DZIP1L: variants seen among roughly 807,000 people sequenced by gnomAD.
DZIP1L encodes DAZ interacting zinc finger protein 1 like, also known as cilium assembly protein DZIP1L.
DZIP1L carries 90 observed loss-of-function variants against 88.7 expected under a neutral mutation model. The observed-to-expected ratio is 1.02, with a 90% confidence interval of 0.86 to 1.21. DZIP1L has a LOEUF of 1.21. Among genes scored for constraint, DZIP1L ranks in the 50% most tolerant of loss-of-function variants. The probability of loss-of-function intolerance (pLI) is 0.00; values close to 1 mark genes in which losing one functional copy is unlikely to be tolerated. For missense variants in DZIP1L, 932 were observed against 955.8 expected, an observed-to-expected ratio of 0.98 and a Z score of 0.33; for synonymous variants, 363 against 372.1, an observed-to-expected ratio of 0.98 and a Z score of 0.28.
chr3:138,089,314 T>A (rs1334769646), intron 5 of DZIP1L: 2 of 976,880 alleles, frequency 2.0e-6, no homozygotes, highest in Non-Finnish European at 1.2e-6. Flanking sequence ...TATGCACAAC[T>A]CCCGGGTTCT....
At position 138,094,970 on chromosome 3, in the gene DZIP1L, T is replaced by A; in HGVS notation, c.600A>T (p.Lys200Asn). 1 of 1,614,262 alleles carries A rather than the reference T, an allele frequency of 6.2e-7. No homozygotes were observed. The highest frequency in any genetic ancestry group is 1.3e-5 in the African/African-American group (1 of 75,072). ...AGVAEGGKQKKQEQPVEEVLE... is the reference protein window; with the variant it reads ...AGVAEGGKQKNQEQPVEEVLE... ...ACACCTCTTCCACTGGCTGTTCCTG[T>A]TTCTTCTGTTTTCCTGTGGGGTCCA... The change falls in exon 4 of 16, where the codon AAA (lysine) becomes AAT (asparagine). Residue 200 changes from lysine (K) to asparagine (N), a missense_variant. Coordinates refer to ENST00000327532, the MANE Select transcript of DZIP1L (RefSeq NM_173543.3).
chr3:138,070,827 C>G (rs1943145305), intron 12 of DZIP1L, among the ~76,000 whole-genome samples: 1 of 152,210 alleles, frequency 6.6e-6, no homozygotes, highest in Non-Finnish European at 1.5e-5. Context: ...ACAGCACCTG[C>G]ATGAGCAGAC....
At chr3:138,083,984 C>G in intron 8 of DZIP1L, 129 bp downstream of exon 8, 1 of 1,335,982 alleles carries the variant, frequency 7.5e-7, no homozygotes, top group Non-Finnish European at 1.0e-6. Context: ...TGCCAGAGGA[C>G]TCTTCTCTCT....
chr3:138,062,764 T>C lies in DZIP1L; in HGVS notation c.*52A>G, dbSNP rs1238838177. ...GCAGCCTCTTCTGTTGAAGTGGACC[T>C]GAGCTGGCCCCAGCCAGGCTAACCC... is the stretch of plus-strand genomic sequence containing the variant. On this transcript the variant is annotated 3_prime_UTR_variant, in exon 16 of 16. Transcript: ENST00000327532. 44 of 1,602,936 alleles carry C rather than the reference T, an allele frequency of 2.7e-5. No homozygotes were observed. Among genetic ancestry groups the C allele is most frequent in the Non-Finnish European group, 3.8e-5 (44 of 1,172,624 alleles).
chr3:138,114,464 G>GT (rs2042661429), intron 1 of DZIP1L, among the ~76,000 whole-genome samples: 1 of 152,186 alleles, frequency 6.6e-6, no homozygotes, highest in East Asian at 1.9e-4. Flanking sequence ...CTAGACTGGA[G>GT]GATCAGCCTT....
In DZIP1L at chr3:138,063,067, A is replaced by G; in HGVS notation, c.2143-90T>C. On this transcript the variant is annotated intron_variant, in intron 15 of 15. Transcript: ENST00000327532. This position sits in a 1 kb window ranked among gnomAD's most constrained non-coding sequence, Gnocchi z 4.1. Reference sequence around the variant, plus strand: ...GCACATTGCAGGATGGGAATGCAGAATGGAAATGGGGACAAATGCAGACTG... The same window carrying G: ...GCACATTGCAGGATGGGAATGCAGAGTGGAAATGGGGACAAATGCAGACTG... 3.4e-6 allele frequency: 5 copies of G among 1,455,956 alleles called. No homozygotes were observed. Among genetic ancestry groups the G allele is most frequent in the Non-Finnish European group, 4.7e-6 (5 of 1,065,622 alleles). The allele number at this position is 1,455,956 out of a possible 1,614,324, so 90.2% of individuals were successfully genotyped here.
In DZIP1L at chr3:138,063,274, C is replaced by T. The variant is rs1185644420; in HGVS notation, c.2143-297G>A. ...GAGAAGGTTGCTCTCATTTTCACTTCAACTTTGGGCAGATTTTTAACTCCC... is the reference window on the plus strand; with the variant it reads ...GAGAAGGTTGCTCTCATTTTCACTTTAACTTTGGGCAGATTTTTAACTCCC... On this transcript the variant is annotated intron_variant, in intron 15 of 15. Coordinates refer to ENST00000327532, the MANE Select transcript of DZIP1L (RefSeq NM_173543.3). This position sits in a 1 kb window ranked among gnomAD's most constrained non-coding sequence, Gnocchi z 4.1. Among the ~76,000 whole-genome samples the T allele has an allele frequency of 6.6e-6, 1 of 152,206 alleles. No individual in the cohort carries two copies. The highest frequency in any genetic ancestry group is 1.5e-5 in the Non-Finnish European group (1 of 68,040).
chr3:138,080,615 G>A lies in DZIP1L; in HGVS notation c.1240C>T (p.His414Tyr). The change falls in exon 10 of 16, where the codon CAC becomes TAC. Residue 414 changes from histidine to tyrosine, a missense_variant. His to Tyr is a moderately conservative substitution (Grantham distance 83, BLOSUM62 2). Transcript: ENST00000327532. ...GTGTCCACAGCCTTTGGCACCTTGTGGATCCCTGAAGAGAGGAGGAACAGT... is the reference window on the plus strand; with the variant it reads ...GTGTCCACAGCCTTTGGCACCTTGTAGATCCCTGAAGAGAGGAGGAACAGT... ...SLSLRKVEGI[H>Y]KVPKAVDTEE... The A allele has an allele frequency of 6.2e-7, 1 of 1,613,454 alleles. No homozygotes were observed. Among genetic ancestry groups the A allele is most frequent in the Non-Finnish European group, 8.5e-7 (1 of 1,179,738 alleles).
chr3:138,101,888 C>T (rs2042328099), intron 2 of DZIP1L: 4 of 1,428,920 alleles, frequency 2.8e-6, no homozygotes, highest in Non-Finnish European at 3.9e-6. Flanking sequence ...TTGGCGTTGG[C>T]ATCCTTAATG....
At chr3:138,064,511 A>T in intron 15 of DZIP1L, 117 bp downstream of exon 15, 1 of 1,612,670 alleles carries the variant, frequency 6.2e-7, no homozygotes, top group South Asian at 1.1e-5. Context: ...ACAATGTCCC[A>T]CTAGGGCAAA....
chr3:138,092,267 C>A, intron 5 of DZIP1L, 116 bp downstream of exon 5: 1 of 1,179,700 alleles, frequency 8.5e-7, no homozygotes, highest in Non-Finnish European at 1.1e-6. Flanking sequence ...GATAACTGGC[C>A]TCACAGTGTT....
In DZIP1L at chr3:138,103,643, T is replaced by C. The variant is rs776082101; in HGVS notation, c.329A>G (p.Gln110Arg). 1.9e-6 allele frequency: 3 copies of C among 1,608,078 alleles called. No individual in the cohort carries two copies. In the South Asian group the frequency reaches 3.3e-5, roughly 18 times the overall value. ...CQDCLSASVA[Q>R]LEARLQTSLG... The stretch of plus-strand genomic sequence containing the variant: ...GCTGGTCTGCAGCCGTGCCTCCAGC[T>C]GGGCAACACTGGCACTCAGGCAATC... The change falls in exon 2 of 16, where the codon CAG becomes CGG. Residue 110 changes from glutamine to arginine, a missense_variant. Physicochemically the swap from Gln to Arg is conservative, Grantham distance 43. Transcript: ENST00000327532.
intron 7 of DZIP1L, among the ~76,000 whole-genome samples, chr3:138,085,286 T>C (rs187441036): frequency 0.019 from 2,912 of 152,148 alleles, 101 homozygotes; most frequent in African/African-American, 0.067. Context: ...AGCTTCTGCA[T>C]AGCAAAAGAA....
Position 138,103,861 on chromosome 3 carries a change from G to A in DZIP1L, c.111C>T (p.Arg37=), listed in dbSNP as rs192805860. 8.7e-6 allele frequency: 14 copies of A among 1,614,000 alleles called. No individual in the cohort carries two copies. The highest frequency in any genetic ancestry group is 1.2e-5 in the Non-Finnish European group (14 of 1,180,060). The stretch of plus-strand genomic sequence containing the variant: ...CGCGGTCTACATCCAGGGTGCTAAT[G>A]CGTCTCCAGTCCATGCTATCATGGC... ...QPRHDSMDWR[R]ISTLDVDRVA... is the part of the protein sequence containing the mutation. Residue 37 remains arginine, a synonymous_variant, in exon 2 of 16, where the codon CGC becomes CGT. Coordinates refer to ENST00000327532, the MANE Select transcript of DZIP1L (RefSeq NM_173543.3).
intron 2 of DZIP1L, chr3:138,102,823 C>T (rs1256364746): frequency 6.9e-6 from 5 of 727,322 alleles, no homozygotes; most frequent in Non-Finnish European, 1.3e-5. Context: ...GGAGCTGATG[C>T]CAGCACTGGG....
intron 11 of DZIP1L, 133 bp from the exon 12 acceptor site, chr3:138,071,968 G>T (rs1032350641): frequency 1.2e-6 from 1 of 852,416 alleles, no homozygotes; most frequent in Non-Finnish European, 1.7e-6. Context: ...AGGACTGGGG[G>T]GCATGAAATG....
At chr3:138,107,986 C>A (rs547404393) in intron 1 of DZIP1L, among the ~76,000 whole-genome samples, 1 of 152,146 alleles carries the variant, frequency 6.6e-6, no homozygotes, top group Non-Finnish European at 1.5e-5. Flanking sequence ...ATAAGCACCC[C>A]CACCATGGCC....
chr3:138,078,361 C>A (rs1277945771), intron 10 of DZIP1L, among the ~76,000 whole-genome samples: 4 of 152,088 alleles, frequency 2.6e-5, no homozygotes, highest in African/African-American at 2.4e-5. Flanking sequence ...GGGCTGGATG[C>A]CAAGGACACA....
intron 2 of DZIP1L, among the ~76,000 whole-genome samples, chr3:138,101,024 C>T (rs1009991636): frequency 1.3e-5 from 2 of 152,084 alleles, no homozygotes; most frequent in Admixed American, 6.5e-5. Flanking sequence ...CACACCTTTA[C>T]ACAACACACT....
Sources: allele counts gnomAD v4.1 joint callset (sites outside exome capture counted in the v4.1 genomes callset), GRCh38; gene constraint gnomAD v4.1.1; non-coding constraint Gnocchi (gnomAD v3.1); transcripts MANE v1.5; gene names NCBI Gene and HGNC (gene_info 2026-07-23, HGNC 2026-07-21).